The following ZFPM1 variants were observed in gnomAD, a reference collection of about 807,000 sequenced individuals.
ZFPM1 encodes zinc finger protein ZFPM1.
In ZFPM1, 28 loss-of-function variants were observed where a neutral mutation model predicts 46.3. The observed-to-expected ratio is 0.60, with a 90% CI of 0.45 to 0.83. The LOEUF (loss-of-function observed/expected upper bound fraction) is 0.83. Among genes scored for constraint, ZFPM1 ranks in the 40% least tolerant of loss-of-function variants. The probability of loss-of-function intolerance (pLI) is 0.00; values close to 1 mark genes in which losing one functional copy is unlikely to be tolerated. For missense variants in ZFPM1, 1,878 were observed against 1,432.4 expected (o/e 1.31, Z -5.02); for synonymous variants, 957 against 675.9 (o/e 1.42, Z -6.45).
intron 3 of ZFPM1, among the ~76,000 whole-genome samples, chr16:88,490,977 G>A (rs1909532535): frequency 6.6e-6 from 1 of 151,366 alleles, no homozygotes; most frequent in African/African-American, 2.5e-5. Flanking sequence ...AGCAGGCCCA[G>A]GACACACCTG....
At chr16:88,525,483 C>T (rs936203295) in intron 4 of ZFPM1, among the ~76,000 whole-genome samples, 1 of 152,242 alleles carries the variant, frequency 6.6e-6, no homozygotes, top group African/African-American at 2.4e-5. Flanking sequence ...CAGGAAGTTT[C>T]TGATTAAAAG....
Position 88,453,521 on chromosome 16 carries a change from C to G in ZFPM1, c.-118C>G, listed in dbSNP as rs973984934. Reference sequence around the variant, plus strand: ...GGCTGGGGGCGCGGGCCGGGGCGGCCGCGGAGACCGGGGGCCGGGGGCATG... The same window carrying G: ...GGCTGGGGGCGCGGGCCGGGGCGGCGGCGGAGACCGGGGGCCGGGGGCATG... On this transcript the variant is annotated 5_prime_UTR_variant, in exon 1 of 10. Coordinates refer to ENST00000319555, the MANE Select transcript of ZFPM1 (RefSeq NM_153813.3). 3.4e-5 allele frequency: 14 copies of G among 413,198 alleles called. No individual in the cohort carries two copies. The highest frequency in any genetic ancestry group is 4.2e-5 in the Non-Finnish European group (13 of 310,948). 25.6% of individuals were successfully genotyped at this position (413,198 alleles called of 1,614,324 possible).
rs763733459 is a variant in ZFPM1 at position 88,533,180 on chromosome 16, G to A, written c.1222G>A (p.Ala408Thr). 4 of 1,524,866 alleles carry A rather than the reference G, an allele frequency of 2.6e-6. No homozygotes were observed. The highest frequency in any genetic ancestry group is 2.8e-5 in the African/African-American group (2 of 72,684). 94.5% of individuals were successfully genotyped at this position (1,524,866 alleles called of 1,614,324 possible). A position where few individuals can be genotyped will look rare whatever the true frequency, so the allele number is the denominator to read the frequency against. The change falls in exon 10 of 10, where the codon GCC (alanine) becomes ACC (threonine). Residue 408 changes from alanine to threonine, a missense_variant. Coordinates refer to ENST00000319555, the MANE Select transcript of ZFPM1 (RefSeq NM_153813.3). Reference protein sequence around the residue: ...SLGSFQQQHTALQGPLASADL... With the variant: ...SLGSFQQQHTTLQGPLASADL... ...GGGCAGCTTCCAGCAGCAGCACACG[G>A]CCCTGCAAGGCCCCCTGGCCTCCGC...
At chr16:88,514,570 AC>A (rs1351156940) in intron 4 of ZFPM1, 50 bp downstream of exon 4, 2 of 1,451,270 alleles carry the variant, frequency 1.4e-6, no homozygotes, top group Non-Finnish European at 1.8e-6. Flanking sequence ...ATGCAGGGCA[AC>A]ATGGACCCAG....
At chr16:88,493,527 CTGT>C (rs1909742685) in intron 3 of ZFPM1, among the ~76,000 whole-genome samples, 1 of 100,600 alleles carries the variant, frequency 9.9e-6, no homozygotes, top group African/African-American at 4.2e-5. Flanking sequence ...GTGCGGGGAG[CTGT>C]CCCGGGGTGG....
Position 88,536,728 on chromosome 16 carries a change from T to C in ZFPM1, c.*1749T>C, listed in dbSNP as rs1413849003. 6.6e-6 allele frequency: 1 copy of C among 152,260 alleles called. No individual in the cohort carries two copies. Among genetic ancestry groups the C allele is most frequent in the African/African-American group, 2.4e-5 (1 of 41,446 alleles). The allele number at this position is 152,260 out of a possible 1,614,324, so 9.4% of individuals were successfully genotyped here. On this transcript the variant is annotated 3_prime_UTR_variant, in exon 10 of 10. Transcript: ENST00000319555. ...CGTAGCCAAGGCCAATGGACAGACATGGCTTCCACCCCCTCCCAGGGACCT... is the reference window on the plus strand; with the variant it reads ...CGTAGCCAAGGCCAATGGACAGACACGGCTTCCACCCCCTCCCAGGGACCT...
chr16:88,515,330 G>A (rs185819032), intron 4 of ZFPM1, among the ~76,000 whole-genome samples: 2 of 152,308 alleles, frequency 1.3e-5, no homozygotes, highest in East Asian at 3.9e-4. Flanking sequence ...CCAGGACAGA[G>A]GGCGTCCCCC....
In ZFPM1 at chr16:88,471,723, G is replaced by C. The variant is rs1908431619; in HGVS notation, c.41-14216G>C. On this transcript the variant is annotated intron_variant, in intron 1 of 9. Transcript: ENST00000319555. The surrounding 1 kb of genome is among the most constrained non-coding windows in gnomAD (Gnocchi z 4.1). Reference sequence around the variant, plus strand: ...CCCGGCTCTAAAGCCACATGGCCTGGGCATGAATTCCTGCCCACCACTTAC... The same window carrying C: ...CCCGGCTCTAAAGCCACATGGCCTGCGCATGAATTCCTGCCCACCACTTAC... Among the ~76,000 whole-genome samples, 1 of 152,238 alleles carries C rather than the reference G, an allele frequency of 6.6e-6. No homozygotes were observed. Among genetic ancestry groups the C allele is most frequent in the South Asian group, 2.1e-4 (1 of 4,832 alleles).
At chr16:88,500,079 A>G (rs1167654796) in intron 3 of ZFPM1, among the ~76,000 whole-genome samples, 1 of 152,172 alleles carries the variant, frequency 6.6e-6, no homozygotes, top group Admixed American at 6.5e-5. Flanking sequence ...CGCAGGCGCT[A>G]ATCAAGCTGG....
chr16:88,525,797 C>G (rs1338410432), intron 4 of ZFPM1, among the ~76,000 whole-genome samples: 3 of 152,232 alleles, frequency 2.0e-5, no homozygotes, highest in Non-Finnish European at 2.9e-5. Context: ...TCCCAGCCCC[C>G]GACTGCACTG....
chr16:88,460,799 T>G (rs746606731), intron 1 of ZFPM1, among the ~76,000 whole-genome samples: 1 of 152,138 alleles, frequency 6.6e-6, no homozygotes, highest in Non-Finnish European at 1.5e-5. Context: ...GAAGAGGACC[T>G]GACTTATTCA....
intron 1 of ZFPM1, among the ~76,000 whole-genome samples, chr16:88,485,692 A>G (rs1236533033): frequency 6.6e-6 from 1 of 152,182 alleles, no homozygotes; most frequent in East Asian, 1.9e-4. Flanking sequence ...CTCCCACCTC[A>G]GCCTCCCAAA....
intron 4 of ZFPM1, among the ~76,000 whole-genome samples, chr16:88,520,631 T>C (rs1260176022): frequency 2.7e-5 from 2 of 73,524 alleles, no homozygotes; most frequent in African/African-American, 5.7e-5. Context: ...GGTGGGTGGA[T>C]GGTGGATAGA....
chr16:88,465,775 C>T (rs1489827590), intron 1 of ZFPM1, among the ~76,000 whole-genome samples: 1 of 152,218 alleles, frequency 6.6e-6, no homozygotes, highest in Non-Finnish European at 1.5e-5. Flanking sequence ...CAGGTGCCAT[C>T]GCGGCGTCTG....
chr16:88,501,340 C>T (rs754862355), intron 3 of ZFPM1, among the ~76,000 whole-genome samples: 34 of 99,728 alleles, frequency 3.4e-4, no homozygotes, highest in South Asian at 1.2e-3. Flanking sequence ...GGTGCGGGGC[C>T]CTCCCGCAGG....
At chr16:88,501,326 C>G (rs1425621954) in intron 3 of ZFPM1, among the ~76,000 whole-genome samples, 1 of 109,088 alleles carries the variant, frequency 9.2e-6, no homozygotes, top group South Asian at 2.8e-4. Context: ...AGATAGCAGA[C>G]ATGGGTGCGG....
chr16:88,526,503 T>A (rs1191338791), intron 4 of ZFPM1, among the ~76,000 whole-genome samples: 1 of 152,148 alleles, frequency 6.6e-6, no homozygotes, highest in Non-Finnish European at 1.5e-5. Context: ...TCCCTGGCTG[T>A]GTGACCTGGA....
intron 3 of ZFPM1, among the ~76,000 whole-genome samples, chr16:88,502,357 G>A (rs1042868898): frequency 1.1e-4 from 16 of 151,914 alleles, no homozygotes; most frequent in African/African-American, 3.6e-4. Context: ...CTCCCGCCCT[G>A]CCCAGGGGCC....
intron 4 of ZFPM1, among the ~76,000 whole-genome samples, chr16:88,515,803 G>A (rs1320325360): frequency 1.3e-5 from 2 of 152,242 alleles, no homozygotes; most frequent in Non-Finnish European, 2.9e-5. Flanking sequence ...TTTAGAGCTG[G>A]TTCTGTGGGG....
Sources: allele counts gnomAD v4.1 joint callset (sites outside exome capture counted in the v4.1 genomes callset), GRCh38; gene constraint gnomAD v4.1.1; non-coding constraint Gnocchi (gnomAD v3.1); transcripts MANE v1.5; gene names NCBI Gene and HGNC (gene_info 2026-07-23, HGNC 2026-07-21).